Variants in FGD6 observed in about 807,000 individuals in gnomAD.
FGD6 encodes FYVE, RhoGEF and PH domain containing 6.
Under a neutral mutation model 149.4 loss-of-function variants are expected in FGD6, and 90 were observed. The ratio of observed to expected loss-of-function variants is 0.60; its 90% CI spans 0.51 to 0.72. The LOEUF (loss-of-function observed/expected upper bound fraction) is 0.72, where lower values mean the gene tolerates loss of function less well. Ranked by LOEUF, FGD6 falls within the 30% of genes least tolerant of loss-of-function variation. The pLI, the probability that FGD6 is intolerant of heterozygous loss-of-function variation, is 0.00. For synonymous variants in FGD6, 527 were observed against 584.0 expected (o/e 0.90, Z 1.41); for missense variants, 1,437 against 1,684.8 (o/e 0.85, Z 2.57).
At chr12:95,171,611 G>T (rs1015616284) in intron 3 of FGD6, among the ~76,000 whole-genome samples, 1 of 152,154 alleles carries the variant, frequency 6.6e-6, no homozygotes, top group Non-Finnish European at 1.5e-5. Flanking sequence ...CGCCTCCCGG[G>T]TTCACGCCAT....
intron 2 of FGD6, among the ~76,000 whole-genome samples, chr12:95,204,813 C>T (rs112380815): frequency 2.0e-5 from 3 of 152,142 alleles, no homozygotes; most frequent in African/African-American, 7.2e-5. Flanking sequence ...TTAATATAAC[C>T]TGCGGACTAA....
chr12:95,083,733 GCTCA>G (rs1283674604), intron 20 of FGD6, among the ~76,000 whole-genome samples: 30 of 152,200 alleles, frequency 2.0e-4, no homozygotes, highest in African/African-American at 7.0e-4. Context: ...TAAAAGCTTT[GCTCA>G]CTCAAAGCAT....
At chr12:95,099,230 C>T (rs1244979096) in intron 14 of FGD6, among the ~76,000 whole-genome samples, 1 of 152,072 alleles carries the variant, frequency 6.6e-6, no homozygotes, top group South Asian at 2.1e-4. Flanking sequence ...CAATGCCTGG[C>T]CCAAGGTAGA....
Position 95,134,616 on chromosome 12 carries a change from G to A in FGD6, c.3082+123C>T, listed in dbSNP as rs141252447. 5.9e-5 allele frequency: 48 copies of A among 810,696 alleles called. No homozygotes were observed. The African/African-American group carries it at 6.4e-4, about 11-fold the overall frequency. The allele number at this position is 810,696 out of a possible 1,614,324, so 50.2% of individuals were successfully genotyped here. A position where few individuals can be genotyped will look rare whatever the true frequency, so the allele number is the denominator to read the frequency against. ...GTATATAAGCAATCTACAAATCCAC[G>A]TATTAGGCAACGTGGTGACGGGGGT... On this transcript the variant is annotated intron_variant, in intron 8 of 20. Coordinates refer to ENST00000343958, the MANE Select transcript of FGD6 (RefSeq NM_018351.4).
At chr12:95,121,943 T>C (rs11107904) in intron 8 of FGD6, among the ~76,000 whole-genome samples, 11,180 of 152,272 alleles carry the variant, frequency 0.073, 508 homozygotes, top group East Asian at 0.15. Flanking sequence ...TCCTACTTTG[T>C]CATACATTAG....
intron 3 of FGD6, among the ~76,000 whole-genome samples, chr12:95,168,929 C>A (rs1880907005): frequency 6.6e-6 from 1 of 152,100 alleles, no homozygotes; most frequent in African/African-American, 2.4e-5. Flanking sequence ...ACTATGAAAG[C>A]AAATTACTTA....
At position 95,108,524 on chromosome 12, in the gene FGD6, G is replaced by A; in HGVS notation, c.3171C>T (p.Ala1057=). The part of the protein sequence containing the change: ...LAVVIEVANH[A]NDTMKQGDNF... ...TTACTCCTTGCTTCATGGTGTCATT[G>A]GCGTGGTTGGCTACCTCTATAACAA... Residue 1057 remains alanine, a synonymous_variant, in exon 10 of 21, where the codon GCC becomes GCT. Transcript: ENST00000343958. 1 of 1,614,084 alleles carries A rather than the reference G, an allele frequency of 6.2e-7. No homozygotes were observed. Among genetic ancestry groups the A allele is most frequent in the South Asian group, 1.1e-5 (1 of 91,076 alleles).
In FGD6 at chr12:95,077,462, CTG is replaced by C. The variant is rs147731296; in HGVS notation, c.*4056_*4057del. 5.9e-5 allele frequency: 9 copies of C among 152,390 alleles called. No homozygotes were observed. The highest frequency in any genetic ancestry group is 4.1e-4 in the South Asian group (2 of 4,826). 9.4% of individuals were successfully genotyped at this position (152,390 alleles called of 1,614,324 possible). A position where few individuals can be genotyped will look rare whatever the true frequency, so the allele number is the denominator to read the frequency against. ...GGGTCAATGAGGAAGGAAAAGGAAACTGTGTGAACAAAGAAAGGTTGGGTAAG... is the reference window on the plus strand; with the variant it reads ...GGGTCAATGAGGAAGGAAAAGGAAACTGTGAACAAAGAAAGGTTGGGTAAG... On this transcript the variant is annotated 3_prime_UTR_variant, in exon 21 of 21. Coordinates refer to ENST00000343958, the MANE Select transcript of FGD6 (RefSeq NM_018351.4).
At chr12:95,169,556 G>C (rs537778420) in intron 3 of FGD6, among the ~76,000 whole-genome samples, 2 of 152,196 alleles carry the variant, frequency 1.3e-5, no homozygotes, top group South Asian at 4.1e-4. Context: ...TCAACCAGGC[G>C]GTGTTATCAC....
intron 14 of FGD6, among the ~76,000 whole-genome samples, chr12:95,099,202 G>A (rs1361592270): frequency 6.6e-6 from 1 of 152,126 alleles, no homozygotes; most frequent in Non-Finnish European, 1.5e-5. Flanking sequence ...TTAATCCACT[G>A]TGTCCCGATG....
chr12:95,217,172 C>T, intron 1 of FGD6, 53 bp downstream of exon 1: 1 of 1,610,674 alleles, frequency 6.2e-7, no homozygotes, highest in Non-Finnish European at 8.5e-7. Flanking sequence ...GAGCCCAAGC[C>T]TAGCAGCGCT....
chr12:95,173,821 G>A lies in FGD6; in HGVS notation c.2442-1077C>T, dbSNP rs144942043. On this transcript the variant is annotated intron_variant, in intron 2 of 20. Coordinates refer to ENST00000343958, the MANE Select transcript of FGD6 (RefSeq NM_018351.4). The stretch of plus-strand genomic sequence containing the variant: ...TCCACTCTGGCAGGCTCTTTCAGCA[G>A]GTCACAGGCAGGTCACTCAACAGCC... Among the ~76,000 whole-genome samples the A allele has an allele frequency of 2.0e-5, 3 of 152,190 alleles. 1 individual carries two copies. The highest frequency in any genetic ancestry group is 7.2e-5 in the African/African-American group (3 of 41,526).
chr12:95,128,714 A>AC (rs1308269484), intron 8 of FGD6, among the ~76,000 whole-genome samples: 1 of 152,200 alleles, frequency 6.6e-6, no homozygotes, highest in Non-Finnish European at 1.5e-5. Context: ...AAAGAGGAAG[A>AC]CTGTAAGCCC....
Position 95,209,798 on chromosome 12 carries a change from G to A in FGD6, c.1486C>T (p.Pro496Ser). Residue 496 changes from proline (P) to serine (S), a missense_variant, in exon 2 of 21, where the codon CCC (proline) becomes TCC (serine). Physicochemically the swap from Pro to Ser is moderately conservative, Grantham distance 74 (BLOSUM62 -1). Coordinates refer to ENST00000343958, the MANE Select transcript of FGD6 (RefSeq NM_018351.4). ...IKEENSLRIV[P>S]KKPQRHSLPA... Reference sequence around the variant, plus strand: ...AAGCTATGTCTTTGAGGTTTTTTGGGGACAATTCGTAGAGAATTTTCCTCT... The same window carrying A: ...AAGCTATGTCTTTGAGGTTTTTTGGAGACAATTCGTAGAGAATTTTCCTCT... 1 of 1,610,440 alleles carries A rather than the reference G, an allele frequency of 6.2e-7. No homozygotes were observed. Among genetic ancestry groups the A allele is most frequent in the Non-Finnish European group, 8.5e-7 (1 of 1,179,240 alleles).
chr12:95,119,843 C>T (rs944603167), intron 8 of FGD6, among the ~76,000 whole-genome samples: 1 of 152,126 alleles, frequency 6.6e-6, no homozygotes, highest in African/African-American at 2.4e-5. Flanking sequence ...TCGCTTGAAC[C>T]CAGGAGGCAG....
chr12:95,164,389 TATC>T (rs1306381890), intron 3 of FGD6, among the ~76,000 whole-genome samples: 2 of 151,946 alleles, frequency 1.3e-5, no homozygotes, highest in Non-Finnish European at 2.9e-5. Flanking sequence ...ATTGTGTTCT[TATC>T]ATATGTGTTC....
At chr12:95,091,021 G>C (rs1381351556) in intron 17 of FGD6, among the ~76,000 whole-genome samples, 5 of 152,194 alleles carry the variant, frequency 3.3e-5, no homozygotes, top group Non-Finnish European at 5.9e-5. Flanking sequence ...AGAATCGCTT[G>C]AACCCGAGAG....
intron 1 of FGD6, among the ~76,000 whole-genome samples, chr12:95,211,696 C>T (rs1442565164): frequency 6.6e-6 from 1 of 152,032 alleles, no homozygotes; most frequent in African/African-American, 2.4e-5. Context: ...CGCACCACCA[C>T]ATCCGGCTAA....
At chr12:95,138,244 A>ATAAATAAG (rs1404936339) in intron 6 of FGD6, among the ~76,000 whole-genome samples, 1 of 104,668 alleles carries the variant, frequency 9.6e-6, no homozygotes. Flanking sequence ...AAATAAATAA[A>ATAAATAAG]TAACTCACTC....
Sources: allele counts gnomAD v4.1 joint callset (sites outside exome capture counted in the v4.1 genomes callset), GRCh38; gene constraint gnomAD v4.1.1; transcripts MANE v1.5; gene names NCBI Gene and HGNC (gene_info 2026-07-23, HGNC 2026-07-21).